ADNP: variants seen among roughly 807,000 people sequenced by gnomAD.
The protein encoded by ADNP is activity-dependent neuroprotector homeobox protein.
ADNP carries 4 observed loss-of-function variants against 84.9 expected under a neutral mutation model. The observed-to-expected ratio is 0.05, with a 90% CI of 0.02 to 0.11. ADNP has a LOEUF of 0.11. Ranked by LOEUF, ADNP falls within the 10% of genes least tolerant of loss-of-function variation. The pLI, the probability that ADNP is intolerant of heterozygous loss-of-function variation, is 1.00. For missense variants in ADNP, 1,132 were observed against 1,326.0 expected (o/e 0.85, Z 2.27); for synonymous variants, 554 against 468.1 (o/e 1.18, Z -2.37).
In ADNP at chr20:50,931,100, G is replaced by C. The variant is rs1984723956; in HGVS notation, c.-539C>G. ...GAGGGAGGAGACGGAGGGTGTGGGA[G>C]AGGCGGCTTCACCGGCGCGGGCGGC... On this transcript the variant is annotated 5_prime_UTR_variant, in exon 1 of 6. Coordinates refer to ENST00000621696, the MANE Select transcript of ADNP (RefSeq NM_001282531.3). 6.6e-6 allele frequency: 1 copy of C among 152,038 alleles called. No homozygotes were observed. The highest frequency in any genetic ancestry group is 2.4e-5 in the African/African-American group (1 of 41,086). The allele number at this position is 152,038 out of a possible 1,614,324, so 9.4% of individuals were successfully genotyped here. A position where few individuals can be genotyped will look rare whatever the true frequency, so the allele number is the denominator to read the frequency against.
intron 2 of ADNP, among the ~76,000 whole-genome samples, chr20:50,919,221 A>C (rs1040301827): frequency 2.0e-5 from 3 of 151,368 alleles, no homozygotes; most frequent in Non-Finnish European, 2.9e-5. Context: ...GCACTTTGGA[A>C]GGCTGAGGTG....
rs543478429 is a variant in ADNP at position 50,893,759 on chromosome 20, C to T, written c.955G>A (p.Val319Ile). The T allele has an allele frequency of 6.2e-7, 1 of 1,614,170 alleles. No individual in the cohort carries two copies. The highest frequency in any genetic ancestry group is 2.2e-5 in the East Asian group (1 of 44,888). Residue 319 changes from valine to isoleucine, a missense_variant, in exon 6 of 6, where the codon GTC becomes ATC. Val to Ile is a conservative substitution (Grantham distance 29). This residue lies in a region of ADNP where 239 missense variants were observed against 213.2 expected (regional missense o/e 1.12). Transcript: ENST00000621696. The surrounding 1 kb of genome is among the most constrained non-coding windows in gnomAD (Gnocchi z 4.4). ...IPKPNLNSTG[V>I]NMMSSVHLQQ... Reference sequence around the variant, plus strand: ...AGATGAACACTGGACATCATGTTGACTCCTGTAGAATTTAAGTTAGGCTTT... The same window carrying T: ...AGATGAACACTGGACATCATGTTGATTCCTGTAGAATTTAAGTTAGGCTTT...
chr20:50,911,883 T>C (rs1430301264), intron 2 of ADNP, among the ~76,000 whole-genome samples: 1 of 151,962 alleles, frequency 6.6e-6, no homozygotes, highest in African/African-American at 2.4e-5. Context: ...CCAGATTACA[T>C]TTTAAACTAC....
rs1305010631 is a variant in ADNP, at chr20:50,901,323, A to T, written c.201+694T>A. Among the ~76,000 whole-genome samples the T allele has an allele frequency of 1.6e-3, 49 of 30,808 alleles. 1 individual carries two copies. In the South Asian group the frequency reaches 0.047, roughly 30 times the overall value. 20.2% of individuals were successfully genotyped at this position (30,808 alleles called of 152,430 possible). A position where few individuals can be genotyped will look rare whatever the true frequency, so the allele number is the denominator to read the frequency against. On this transcript the variant is annotated intron_variant, in intron 5 of 5. Coordinates refer to ENST00000621696, the MANE Select transcript of ADNP (RefSeq NM_001282531.3). ...TTAGTAACTTTGCCTGGGGTATTTA[A>T]AAAAAAAAAAAAAAAAAAAAAAAAG...
chr20:50,891,215 G>C lies in ADNP; in HGVS notation c.*190C>G. 7.5e-7 allele frequency: 1 copy of C among 1,333,510 alleles called. No homozygotes were observed. The highest frequency in any genetic ancestry group is 2.3e-5 in the South Asian group (1 of 43,014). The allele number at this position is 1,333,510 out of a possible 1,614,324, so 82.6% of individuals were successfully genotyped here. A position where few individuals can be genotyped will look rare whatever the true frequency, so the allele number is the denominator to read the frequency against. On this transcript the variant is annotated 3_prime_UTR_variant, in exon 6 of 6. Transcript: ENST00000621696. ...ACATTTAGTTACCGTGTCTGTCAGA[G>C]AAGGTTCTGAAGCAAGAACAGCCTG...
intron 2 of ADNP, chr20:50,914,421 T>C: frequency 2.0e-6 from 1 of 503,876 alleles, no homozygotes; most frequent in Non-Finnish European, 3.7e-6. Context: ...TTCTTCTTAC[T>C]TTCTATGTTG....
At chr20:50,914,200 C>T (rs1454658222) in intron 2 of ADNP, 6 of 767,582 alleles carry the variant, frequency 7.8e-6, no homozygotes, top group South Asian at 1.5e-5. Context: ...TCATATCCTT[C>T]TGTACTACAA....
chr20:50,910,655 AATT>A (rs1011929703), intron 2 of ADNP, among the ~76,000 whole-genome samples: 1 of 151,904 alleles, frequency 6.6e-6, no homozygotes, highest in Non-Finnish European at 1.5e-5. Flanking sequence ...GTAAACATTC[AATT>A]ATTATTATTT....
At position 50,930,957 on chromosome 20, in the gene ADNP, C is replaced by T. The variant is rs1226892686; in HGVS notation, c.-396G>A. The T allele has an allele frequency of 2.1e-5, 3 of 143,784 alleles. No homozygotes were observed. Among genetic ancestry groups the T allele is most frequent in the East Asian group, 2.1e-4 (1 of 4,864 alleles). The allele number at this position is 143,784 out of a possible 1,614,324, so 8.9% of individuals were successfully genotyped here. On this transcript the variant is annotated 5_prime_UTR_variant, in exon 1 of 6. Transcript: ENST00000621696. ...GGCGCGCCCGGGGCCTCGTCGCGCTCCGGCTCGGCGGACTCCGGCTCGCGC... is the reference window on the plus strand; with the variant it reads ...GGCGCGCCCGGGGCCTCGTCGCGCTTCGGCTCGGCGGACTCCGGCTCGCGC...
At chr20:50,928,173 G>C (rs568663020) in intron 2 of ADNP, among the ~76,000 whole-genome samples, 8 of 152,190 alleles carry the variant, frequency 5.3e-5, no homozygotes, top group Non-Finnish European at 7.4e-5. Context: ...TGGTTAACTA[G>C]GTATCAAAGA....
At chr20:50,902,181 C>T (rs1038104618) in intron 4 of ADNP, 72 bp from the exon 5 acceptor site, 1 of 1,127,056 alleles carries the variant, frequency 8.9e-7, no homozygotes, top group Admixed American at 1.9e-5. Context: ...ATGTAAATCT[C>T]ACCTCTTAAC....
chr20:50,908,203 C>T (rs1010106355), intron 2 of ADNP, among the ~76,000 whole-genome samples: 17 of 141,704 alleles, frequency 1.2e-4, no homozygotes, highest in Non-Finnish European at 2.3e-4. Flanking sequence ...AAAACAAGCA[C>T]ACAATTCAGA....
At chr20:50,896,277 A>G (rs775569723) in intron 5 of ADNP, among the ~76,000 whole-genome samples, 1 of 151,680 alleles carries the variant, frequency 6.6e-6, no homozygotes, top group Non-Finnish European at 1.5e-5. Context: ...GTACAAAAAT[A>G]TTTTCTATCT....
intron 2 of ADNP, among the ~76,000 whole-genome samples, chr20:50,915,097 T>C (rs945817200): frequency 1.3e-5 from 2 of 152,206 alleles, no homozygotes; most frequent in African/African-American, 2.4e-5. Context: ...AAAATGATTA[T>C]GTAACAAAAT....
intron 4 of ADNP, 79 bp downstream of exon 4, chr20:50,903,810 T>C: frequency 2.9e-6 from 3 of 1,023,028 alleles, no homozygotes; most frequent in East Asian, 2.5e-5. Context: ...ATCTAAGATT[T>C]AGCCATCTTG....
In ADNP at chr20:50,891,137, A is replaced by C; in HGVS notation, c.*268T>G. On this transcript the variant is annotated 3_prime_UTR_variant, in exon 6 of 6. Transcript: ENST00000621696. ...AAATGTTGAAAAGGCAGATAAAATA[A>C]ACCTCTGCTTTTCCTCGTGTGTATT... The C allele has an allele frequency of 8.1e-7, 1 of 1,242,190 alleles. No individual in the cohort carries two copies. Among genetic ancestry groups the C allele is most frequent in the Non-Finnish European group, 1.0e-6 (1 of 993,220 alleles). The allele number at this position is 1,242,190 out of a possible 1,614,324, so 76.9% of individuals were successfully genotyped here. A position where few individuals can be genotyped will look rare whatever the true frequency, so the allele number is the denominator to read the frequency against.
Position 50,891,665 on chromosome 20 carries a change from C to T in ADNP, c.3049G>A (p.Ala1017Thr), listed in dbSNP as rs747073656. The part of the protein sequence containing the change: ...RSSKPAAKKK[A>T]TMQGDREQLK... ...TGCTCTCTGTCACCTTGCATGGTAG[C>T]CTTTTTTTTGGCAGCTGGCTTACTG... The change falls in exon 6 of 6, where the codon GCT (alanine) becomes ACT (threonine). Residue 1017 changes from alanine (A) to threonine (T), a missense_variant. Physicochemically the swap from Ala to Thr is moderately conservative, Grantham distance 58 (BLOSUM62 0). Coordinates refer to ENST00000621696, the MANE Select transcript of ADNP (RefSeq NM_001282531.3). 6.2e-7 allele frequency: 1 copy of T among 1,614,246 alleles called. No individual in the cohort carries two copies.
Position 50,894,203 on chromosome 20 carries a change from T to G in ADNP, c.511A>C (p.Thr171Pro). 1 of 1,614,188 alleles carries G rather than the reference T, an allele frequency of 6.2e-7. No individual in the cohort carries two copies. Among genetic ancestry groups the G allele is most frequent in the Non-Finnish European group, 8.5e-7 (1 of 1,180,016 alleles). ...ATTTCATAAAGAGGATCTCGGTAAG[T>G]GCACTTCTTACAGTAATAAACAGCT... ...EQAVYYCKKCTYRDPLYEIVR... is the reference protein window; with the variant it reads ...EQAVYYCKKCPYRDPLYEIVR... Residue 171 changes from threonine to proline, a missense_variant, in exon 6 of 6, where the codon ACT becomes CCT. By Grantham distance (38) the Thr-to-Pro change is conservative. Coordinates refer to ENST00000621696, the MANE Select transcript of ADNP (RefSeq NM_001282531.3).
At chr20:50,895,334 T>C (rs1981264785) in intron 5 of ADNP, among the ~76,000 whole-genome samples, 1 of 152,240 alleles carries the variant, frequency 6.6e-6, no homozygotes, top group Non-Finnish European at 1.5e-5. Flanking sequence ...CTGTACTGAT[T>C]ACCATAGGCA....
Sources: gnomAD v4.1 joint callset for allele counts (sites outside exome capture counted in the v4.1 genomes callset) on GRCh38, gnomAD v4.1.1 for gene constraint, gnomAD v4.1.1 regional missense constraint, Gnocchi (gnomAD v3.1) non-coding constraint, MANE v1.5 for transcripts, NCBI Gene and HGNC (gene_info 2026-07-23, HGNC 2026-07-21) for gene names.